Variants in DMD observed in about 807,000 individuals in gnomAD.
The protein encoded by DMD is dystrophin, also known as mutant dystrophin.
Under a neutral mutation model 330.1 loss-of-function variants are expected in DMD, and 63 were observed. The observed-to-expected ratio is 0.19, with a 90% CI of 0.16 to 0.24. The LOEUF (loss-of-function observed/expected upper bound fraction) is 0.24, where lower values mean the gene tolerates loss of function less well. Among genes scored for constraint, DMD ranks in the 10% least tolerant of loss-of-function variants. The probability of loss-of-function intolerance (pLI) is 1.00; values close to 1 mark genes in which losing one functional copy is unlikely to be tolerated. For synonymous variants in DMD, 1,223 were observed against 959.8 expected (o/e 1.27, Z -5.07); for missense variants, 3,344 against 2,684.1 (o/e 1.25, Z -5.43).
At position 32,377,651 on chromosome X, in the gene DMD, A is replaced by AT. The variant is rs749926909; in HGVS notation, c.4845+2858dup. ...TCTTTCCAGGAAAAAGATACAGAAAATTTTTTTCTGTATTCAGAGAAAATA... is the reference window on the plus strand; with the variant it reads ...TCTTTCCAGGAAAAAGATACAGAAAATTTTTTTTCTGTATTCAGAGAAAATA... On this transcript the variant is annotated intron_variant, in intron 34 of 78. Transcript: ENST00000357033. 8.1e-5 allele frequency among the ~76,000 whole-genome samples: 9 copies of AT among 111,417 alleles called. No individual in the cohort carries two copies. In the South Asian group the frequency reaches 1.1e-3, roughly 14 times the overall value.
intron 35 of DMD, 110 bp downstream of exon 35, chrX:32,364,910 G>T: frequency 1.2e-6 from 1 of 857,184 alleles, no homozygotes; most frequent in Non-Finnish European, 1.7e-6. Context: ...TTAAGAGCCA[G>T]CATATACGTA....
chrX:31,258,691 C>G lies in DMD; in HGVS notation c.9286+2264G>C, dbSNP rs759965024. Reference sequence around the variant, plus strand: ...ATTCAAAATTGAGTGATGTCACAAGCCCAATGTCACAAGTCATGAGAGATT... The same window carrying G: ...ATTCAAAATTGAGTGATGTCACAAGGCCAATGTCACAAGTCATGAGAGATT... On this transcript the variant is annotated intron_variant, in intron 63 of 78. Transcript: ENST00000357033. Among the ~76,000 whole-genome samples, 12 of 111,887 alleles carry G rather than the reference C, an allele frequency of 1.1e-4. No homozygotes were observed. The South Asian group carries it at 4.5e-3, about 42-fold the overall frequency.
intron 2 of DMD, among the ~76,000 whole-genome samples, chrX:32,894,144 T>C (rs2085476265): frequency 8.9e-6 from 1 of 111,850 alleles, no homozygotes. Context: ...AAGTTGGAGG[T>C]AATGATTATT....
chrX:31,289,459 T>C (rs1477998053), intron 62 of DMD, among the ~76,000 whole-genome samples: 1 of 110,797 alleles, frequency 9.0e-6, no homozygotes, highest in Non-Finnish European at 1.9e-5. Context: ...AAACAGAATG[T>C]TTAAAGTTAT....
chrX:31,558,941 C>T (rs2075019214), intron 55 of DMD, among the ~76,000 whole-genome samples: 2 of 111,245 alleles, frequency 1.8e-5, no homozygotes, highest in Non-Finnish European at 3.8e-5. Flanking sequence ...CAAAGGAGTT[C>T]GTACAAATCT....
intron 63 of DMD, among the ~76,000 whole-genome samples, chrX:31,246,910 A>G (rs2048878742): frequency 9.2e-6 from 1 of 108,514 alleles, no homozygotes; most frequent in South Asian, 4.1e-4. Flanking sequence ...TGGGTGACAG[A>G]GCAAGACTCC....
At chrX:33,132,725 G>A (rs745513423) in intron 1 of DMD, among the ~76,000 whole-genome samples, 1 of 112,392 alleles carries the variant, frequency 8.9e-6, no homozygotes. Context: ...CTCAGGCTCC[G>A]AAGTCAAAGC....
chrX:32,803,061 C>G (rs754073574), intron 7 of DMD, among the ~76,000 whole-genome samples: 1 of 111,621 alleles, frequency 9.0e-6, no homozygotes, highest in African/African-American at 3.3e-5. Context: ...CCTCTTTGTA[C>G]CTCTGGTAGA....
At chrX:31,842,322 G>A (rs1327198563) in intron 48 of DMD, among the ~76,000 whole-genome samples, 1 of 112,067 alleles carries the variant, frequency 8.9e-6, no homozygotes, top group Non-Finnish European at 1.9e-5. Context: ...GTGTTTTCAT[G>A]AGACAGAATC....
At position 33,243,601 on chromosome X, in the gene DMD, T is replaced by C. The variant is rs1030200764; in HGVS notation, c.7+95658A>G. 2.7e-5 allele frequency among the ~76,000 whole-genome samples: 3 copies of C among 112,400 alleles called. No homozygotes were observed. The South Asian group carries it at 1.1e-3, about 41-fold the overall frequency. On this transcript the variant is annotated intron_variant, in intron 1 of 17. Transcript: ENST00000288447. ...ATATTAAAAAGATACCTCACTCATA[T>C]GTTTACTGCAGCACTATTCACAATA...
intron 42 of DMD, among the ~76,000 whole-genome samples, chrX:32,298,528 T>TATATA (rs1569556403): frequency 9.1e-6 from 1 of 109,969 alleles, no homozygotes; most frequent in African/African-American, 3.4e-5. Context: ...TATATATATG[T>TATATA]CATGATTCAG....
intron 43 of DMD, among the ~76,000 whole-genome samples, chrX:32,280,156 ATATATACAG>A (rs1248066391): frequency 0.016 from 284 of 18,064 alleles, 3 homozygotes; most frequent in South Asian, 0.15. Context: ...ATATATATAT[ATATATACAG>A]TATATATATA....
At chrX:32,012,212 G>A (rs2095715040) in intron 44 of DMD, among the ~76,000 whole-genome samples, 1 of 112,147 alleles carries the variant, frequency 8.9e-6, no homozygotes, top group Non-Finnish European at 1.9e-5. Flanking sequence ...AAGCCAGCTT[G>A]GATGGATAGA....
At chrX:32,422,891 T>C (rs888922892) in intron 29 of DMD, among the ~76,000 whole-genome samples, 1 of 111,220 alleles carries the variant, frequency 9.0e-6, no homozygotes, top group Non-Finnish European at 1.9e-5. Context: ...TTTTAAAAAG[T>C]TGAGAGTGGT....
intron 13 of DMD, among the ~76,000 whole-genome samples, chrX:32,581,280 A>C (rs773643299): frequency 1.8e-5 from 2 of 112,455 alleles, no homozygotes; most frequent in Non-Finnish European, 1.9e-5. Context: ...TAGGTGTAAC[A>C]GAATAGGTAG....
intron 9 of DMD, among the ~76,000 whole-genome samples, chrX:32,684,308 T>A (rs1431810476): frequency 8.9e-6 from 1 of 111,758 alleles, no homozygotes; most frequent in Non-Finnish European, 1.9e-5. Flanking sequence ...TCTAACCATG[T>A]ATCAGTGCTA....
At chrX:32,569,644 C>A (rs906469903) in intron 15 of DMD, among the ~76,000 whole-genome samples, 14 of 111,602 alleles carry the variant, frequency 1.3e-4, no homozygotes, top group African/African-American at 4.6e-4. Flanking sequence ...AGGGCCATCC[C>A]AGGAGTTGAG....
chrX:32,546,746 A>G (rs1278942548), intron 16 of DMD, among the ~76,000 whole-genome samples: 2 of 110,461 alleles, frequency 1.8e-5, no homozygotes, highest in Non-Finnish European at 3.8e-5. Context: ...TAGGATCTCC[A>G]TAGATTCATT....
At chrX:32,250,798 G>A (rs995542974) in intron 43 of DMD, among the ~76,000 whole-genome samples, 1 of 111,785 alleles carries the variant, frequency 8.9e-6, no homozygotes, top group Non-Finnish European at 1.9e-5. Flanking sequence ...ATACCTCGAT[G>A]GTTTTTGTGC....
Sources: gnomAD v4.1 joint callset for allele counts (sites outside exome capture counted in the v4.1 genomes callset) on GRCh38, gnomAD v4.1.1 for gene constraint, MANE v1.5 for transcripts, NCBI Gene and HGNC (gene_info 2026-07-23, HGNC 2026-07-21) for gene names.